Variants in CEP63 observed in about 807,000 individuals in gnomAD.
CEP63 encodes the protein centrosomal protein of 63 kDa.
In CEP63, 84 loss-of-function variants were observed where a neutral mutation model predicts 89.1. That is an observed-to-expected ratio of 0.94 (90% CI 0.79 to 1.13). The LOEUF is 1.13. CEP63 is among the 50% of genes most tolerant of loss of function. CEP63 has a pLI of 0.00. For synonymous variants in CEP63, 267 were observed against 272.5 expected, an observed-to-expected ratio of 0.98 and a Z score of 0.20; for missense variants, 838 against 813.3, an observed-to-expected ratio of 1.03 and a Z score of -0.37.
the CEP63 span, among the ~76,000 whole-genome samples, chr3:134,742,546 A>G: frequency 6.6e-6 from 1 of 152,276 alleles, no homozygotes; most frequent in Non-Finnish European, 1.5e-5. Flanking sequence ...CTTCTTTCTC[A>G]TTTGTAGTTC....
At chr3:134,603,867 G>A in the CEP63 span, 3 of 1,613,890 alleles carry the variant, frequency 1.9e-6, no homozygotes, top group African/African-American at 2.7e-5. Context: ...CAGGGAACAT[G>A]GGCCAGTTCA....
At chr3:134,532,735 A>G in intron 4 of CEP63, 43 bp from the exon 5 acceptor site, 1 of 1,537,028 alleles carries the variant, frequency 6.5e-7, no homozygotes, top group South Asian at 1.1e-5. Flanking sequence ...ACTACTTCTT[A>G]CAAATTCTTA....
rs34189216 is a variant in CEP63 at position 134,549,149 on chromosome 3, C to A, written c.1155C>A (p.Asn385Lys). ...YEELKRMEAHNNEYKAEIKKL... is the reference protein window; with the variant it reads ...YEELKRMEAHKNEYKAEIKKL... ...AACTGAAGAGGATGGAAGCACATAA[C>A]AATGAATACAAAGCAGAGATTAAGA... The change falls in exon 10 of 15, where the codon AAC becomes AAA. Residue 385 changes from asparagine to lysine, a missense_variant. Physicochemically the swap from Asn to Lys is moderately conservative, Grantham distance 94. Transcript: ENST00000675561. The A allele has an allele frequency of 1.3e-3, 2,101 of 1,610,376 alleles. 18 individuals carry two copies. The African/African-American group carries it at 0.023, about 17-fold the overall frequency.
intron 14 of CEP63, among the ~76,000 whole-genome samples, chr3:134,559,755 G>C (rs1322937369): frequency 6.6e-6 from 1 of 152,214 alleles, no homozygotes; most frequent in Non-Finnish European, 1.5e-5. Flanking sequence ...TGCCAAGATA[G>C]TCCTGAGGCA....
At chr3:134,578,282 A>G (rs1385257958), downstream of CEP63, among the ~76,000 whole-genome samples, 1 of 130,000 alleles carries the variant, frequency 7.7e-6, no homozygotes, top group Non-Finnish European at 1.6e-5. Flanking sequence ...GCTAGCATCT[A>G]TTGTTTCTTG....
downstream of CEP63, among the ~76,000 whole-genome samples, chr3:134,589,176 G>A (rs532658020): frequency 1.3e-5 from 2 of 152,106 alleles, no homozygotes; most frequent in East Asian, 3.9e-4. Context: ...ATGACAAAAG[G>A]GGAAATAATT....
the CEP63 span, among the ~76,000 whole-genome samples, chr3:134,723,632 C>T: frequency 6.6e-6 from 1 of 152,178 alleles, no homozygotes; most frequent in Non-Finnish European, 1.5e-5. Flanking sequence ...TGAGAAGGAG[C>T]GATGGAACCA....
intron 6 of CEP63, among the ~76,000 whole-genome samples, chr3:134,544,350 A>G (rs1046384464): frequency 1.3e-5 from 2 of 152,226 alleles, no homozygotes; most frequent in South Asian, 2.1e-4. Flanking sequence ...CTAAAACCCA[A>G]TACTGCTGGG....
At chr3:134,769,799 A>G in the CEP63 span, among the ~76,000 whole-genome samples, 1 of 152,222 alleles carries the variant, frequency 6.6e-6, no homozygotes, top group Middle Eastern at 3.2e-3. Flanking sequence ...CTATTCTGAT[A>G]TCTAATCTGG....
At chr3:134,567,199 G>GT (rs1957805778), downstream of CEP63, among the ~76,000 whole-genome samples, 2 of 150,882 alleles carry the variant, frequency 1.3e-5, no homozygotes, top group Non-Finnish European at 3.0e-5. Flanking sequence ...TACATGAATT[G>GT]CCCAGAATTG....
the CEP63 span, among the ~76,000 whole-genome samples, chr3:134,602,859 G>A: frequency 1.3e-5 from 2 of 152,186 alleles, no homozygotes; most frequent in African/African-American, 2.4e-5. Context: ...AGCGGGCATG[G>A]GCTGCTCTTT....
the CEP63 span, among the ~76,000 whole-genome samples, chr3:134,740,336 T>C: frequency 1.3e-5 from 2 of 151,804 alleles, no homozygotes; most frequent in Non-Finnish European, 2.9e-5. Flanking sequence ...CTGGCTCTGT[T>C]GCCCAGGCTG....
At chr3:134,693,610 A>G in the CEP63 span, among the ~76,000 whole-genome samples, 2 of 152,214 alleles carry the variant, frequency 1.3e-5, no homozygotes, top group Non-Finnish European at 2.9e-5. Flanking sequence ...GCGCTCATTT[A>G]TGGCAGATGT....
chr3:134,764,815 A>T, the CEP63 span, among the ~76,000 whole-genome samples: 1 of 152,222 alleles, frequency 6.6e-6, no homozygotes, highest in Non-Finnish European at 1.5e-5. Context: ...GAATAAACTG[A>T]GCTTGACTAC....
intron 11 of CEP63, among the ~76,000 whole-genome samples, chr3:134,570,359 C>G (rs1487969847): frequency 6.6e-6 from 1 of 152,206 alleles, no homozygotes; most frequent in Non-Finnish European, 1.5e-5. Context: ...ACCCAAGTCA[C>G]CTGTTGAATG....
At chr3:134,696,158 G>A in the CEP63 span, among the ~76,000 whole-genome samples, 5 of 152,188 alleles carry the variant, frequency 3.3e-5, no homozygotes, top group Admixed American at 6.5e-5. Flanking sequence ...TATGAAAATG[G>A]CCTGGCAATG....
chr3:134,778,471 C>A, the CEP63 span, among the ~76,000 whole-genome samples: 1 of 152,148 alleles, frequency 6.6e-6, no homozygotes, highest in African/African-American at 2.4e-5. Flanking sequence ...GCCTTAATGA[C>A]AATGACTAAA....
the CEP63 span, among the ~76,000 whole-genome samples, chr3:134,652,444 G>A: frequency 5.5e-5 from 8 of 144,734 alleles, no homozygotes; most frequent in Middle Eastern, 3.5e-3. Flanking sequence ...CATTACCAGC[G>A]CCCCCCCCCA....
chr3:134,775,375 T>C, the CEP63 span, among the ~76,000 whole-genome samples: 2 of 152,176 alleles, frequency 1.3e-5, no homozygotes, highest in African/African-American at 4.8e-5. Flanking sequence ...AGAGTTAGTG[T>C]CCCCTTCAGG....
Sources: allele counts gnomAD v4.1 joint callset (sites outside exome capture counted in the v4.1 genomes callset), GRCh38; gene constraint gnomAD v4.1.1; transcripts MANE v1.5; gene names NCBI Gene and HGNC (gene_info 2026-07-23, HGNC 2026-07-21).